The following NDUFA5 variants were observed in gnomAD, a reference collection of about 807,000 sequenced individuals.
NDUFA5 encodes NADH:ubiquinone oxidoreductase subunit A5.
In NDUFA5, 11 loss-of-function variants were observed where a neutral mutation model predicts 19.8. The observed-to-expected ratio is 0.56, with a 90% CI of 0.35 to 0.92. The LOEUF (loss-of-function observed/expected upper bound fraction) is 0.92. Ranked by LOEUF, NDUFA5 falls within the 40% of genes least tolerant of loss-of-function variation. NDUFA5 has a pLI of 0.01. For synonymous variants in NDUFA5, 47 were observed against 46.8 expected (o/e 1.00, Z -0.01); for missense variants, 109 against 134.2 (o/e 0.81, Z 0.93).
chr7:123,554,123 T>C (rs867953945), intron 2 of NDUFA5, among the ~76,000 whole-genome samples: 2 of 152,152 alleles, frequency 1.3e-5, no homozygotes, highest in African/African-American at 4.8e-5. Flanking sequence ...ATGTGGCTAG[T>C]CCAAACTGAG....
the NDUFA5 span, among the ~76,000 whole-genome samples, chr7:123,582,198 T>C: frequency 7.2e-5 from 11 of 151,962 alleles, no homozygotes; most frequent in African/African-American, 2.4e-4. Context: ...CCAGACCACT[T>C]TGAGGGACAG....
At chr7:123,557,300 A>C (rs565928547) in intron 2 of NDUFA5, 104 bp downstream of exon 2, 4 of 1,528,344 alleles carry the variant, frequency 2.6e-6, no homozygotes, top group Non-Finnish European at 3.6e-6. Flanking sequence ...CTTGTAATTA[A>C]GGGCTTGAAA....
the NDUFA5 span, among the ~76,000 whole-genome samples, chr7:123,580,276 T>C: frequency 6.6e-6 from 1 of 152,036 alleles, no homozygotes; most frequent in African/African-American, 2.4e-5. Flanking sequence ...AGTCCTCAGG[T>C]GCATGGCAGG....
intron 3 of NDUFA5, chr7:123,546,556 G>C: frequency 1.4e-6 from 1 of 733,920 alleles, no homozygotes; most frequent in Non-Finnish European, 1.9e-6. Flanking sequence ...TTTTGAGCCA[G>C]AAATCATGCT....
chr7:123,566,090 T>A, the NDUFA5 span, among the ~76,000 whole-genome samples: 1 of 151,886 alleles, frequency 6.6e-6, no homozygotes, highest in African/African-American at 2.4e-5. Flanking sequence ...CAAGTTAAGA[T>A]GAGGTCATTA....
the NDUFA5 span, among the ~76,000 whole-genome samples, chr7:123,581,093 G>T: frequency 6.6e-6 from 1 of 151,780 alleles, no homozygotes; most frequent in East Asian, 2.0e-4. Flanking sequence ...TTGTATTTAC[G>T]GATAATTCAG....
intron 2 of NDUFA5, chr7:123,555,063 T>G (rs1798490206): frequency 6.6e-6 from 1 of 152,196 alleles, no homozygotes; most frequent in Non-Finnish European, 1.5e-5. Context: ...TATATACAGT[T>G]TGGTACTATA....
intron 1 of NDUFA5, 132 bp from the exon 2 acceptor site, chr7:123,557,580 C>CT (rs1798608468): frequency 6.2e-7 from 1 of 1,612,604 alleles, no homozygotes. Context: ...CTCAGTCTCG[C>CT]TTGTTTGGAG....
chr7:123,542,536 T>A (rs563597368), intron 4 of NDUFA5, among the ~76,000 whole-genome samples: 1 of 152,342 alleles, frequency 6.6e-6, no homozygotes, highest in Non-Finnish European at 1.5e-5. Context: ...TCTTTTCATC[T>A]ATGTCAGTGG....
At chr7:123,558,223 T>C (rs577836132), upstream of NDUFA5, 7 of 215,284 alleles carry the variant, frequency 3.3e-5, no homozygotes, top group African/African-American at 9.0e-5. Flanking sequence ...ATCCTCTGAA[T>C]TGATCTCTCA....
chr7:123,563,311 C>T, the NDUFA5 span, among the ~76,000 whole-genome samples: 1 of 152,108 alleles, frequency 6.6e-6, no homozygotes, highest in Non-Finnish European at 1.5e-5. Context: ...TTCACATGAA[C>T]ACTTAAAGGC....
At chr7:123,563,121 C>T in the NDUFA5 span, among the ~76,000 whole-genome samples, 25 of 152,118 alleles carry the variant, frequency 1.6e-4, no homozygotes, top group African/African-American at 5.8e-4. Context: ...TTTTATCATT[C>T]GTGTGTTAAC....
chr7:123,575,455 T>C, the NDUFA5 span, among the ~76,000 whole-genome samples: 1 of 152,138 alleles, frequency 6.6e-6, no homozygotes, highest in Non-Finnish European at 1.5e-5. Context: ...AATTAAATCA[T>C]ACACAATTAA....
At chr7:123,559,312 A>G (rs1798654918), upstream of NDUFA5, among the ~76,000 whole-genome samples, 1 of 128,798 alleles carries the variant, frequency 7.8e-6, no homozygotes, top group Non-Finnish European at 1.7e-5. Context: ...TTGAATTAGC[A>G]AGAAAAAAAA....
upstream of NDUFA5, among the ~76,000 whole-genome samples, chr7:123,558,590 G>A (rs1466773625): frequency 6.6e-6 from 1 of 152,132 alleles, no homozygotes; most frequent in Non-Finnish European, 1.5e-5. Context: ...AAAAAGCGTG[G>A]GTGACTTTCT....
chr7:123,583,664 G>A, the NDUFA5 span, among the ~76,000 whole-genome samples: 28 of 152,028 alleles, frequency 1.8e-4, no homozygotes, highest in East Asian at 4.3e-3. Flanking sequence ...CGGAGAGAAG[G>A]CACAGGAAAG....
the NDUFA5 span, among the ~76,000 whole-genome samples, chr7:123,588,993 A>G: frequency 5.3e-5 from 8 of 151,894 alleles, no homozygotes; most frequent in South Asian, 1.7e-3. Flanking sequence ...AACATGATCT[A>G]TCCTGGAGAA....
At chr7:123,570,162 G>A in the NDUFA5 span, among the ~76,000 whole-genome samples, 1 of 150,064 alleles carries the variant, frequency 6.7e-6, no homozygotes, top group East Asian at 2.0e-4. Flanking sequence ...AGCCTCCCAA[G>A]TAGCTGGGAC....
At chr7:123,575,164 T>C in the NDUFA5 span, among the ~76,000 whole-genome samples, 1 of 152,030 alleles carries the variant, frequency 6.6e-6, no homozygotes, top group South Asian at 2.1e-4. Context: ...GTATTTTTAA[T>C]TTAAGGATTA....
Sources: allele counts gnomAD v4.1 joint callset (sites outside exome capture counted in the v4.1 genomes callset), GRCh38; gene constraint gnomAD v4.1.1; transcripts MANE v1.5; gene names NCBI Gene and HGNC (gene_info 2026-07-23, HGNC 2026-07-21).